Variants in RGS5 observed in about 807,000 individuals in gnomAD.
The protein encoded by RGS5 is regulator of G protein signaling 5, also known as regulator of G-protein signalling 5.
In RGS5, 20 loss-of-function variants were observed where a neutral mutation model predicts 18.9. The ratio of observed to expected loss-of-function variants is 1.06; its 90% confidence interval spans 0.74 to 1.54. The LOEUF is 1.54. Among genes scored for constraint, RGS5 ranks in the 40% most tolerant of loss-of-function variants. The probability of loss-of-function intolerance (pLI) is 0.00; values close to 1 mark genes in which losing one functional copy is unlikely to be tolerated. For missense variants in RGS5, 201 were observed against 211.8 expected, an observed-to-expected ratio of 0.95 and a Z score of 0.32; for synonymous variants, 57 against 76.2, an observed-to-expected ratio of 0.75 and a Z score of 1.31.
At chr1:163,264,173 C>A (rs1260271298) in intron 2 of RGS5, among the ~76,000 whole-genome samples, 1 of 151,782 alleles carries the variant, frequency 6.6e-6, no homozygotes, top group Non-Finnish European at 1.5e-5. Context: ...TTTAGAGTAC[C>A]CTCTGCTAAA....
At chr1:163,164,340 G>C (rs1440883167) in intron 2 of RGS5, among the ~76,000 whole-genome samples, 1 of 152,168 alleles carries the variant, frequency 6.6e-6, no homozygotes, top group Non-Finnish European at 1.5e-5. Flanking sequence ...GAGTGTGGGG[G>C]AGAGAGAGAA....
intron 2 of RGS5, among the ~76,000 whole-genome samples, chr1:163,260,960 C>T (rs1648417542): frequency 6.6e-6 from 1 of 152,190 alleles, no homozygotes; most frequent in Non-Finnish European, 1.5e-5. Context: ...ATGCATAAGA[C>T]ATTTGGTCTC....
intron 2 of RGS5, among the ~76,000 whole-genome samples, chr1:163,281,335 G>A (rs892386850): frequency 6.6e-6 from 1 of 152,140 alleles, no homozygotes; most frequent in African/African-American, 2.4e-5. Context: ...TTTGGCTCAT[G>A]GTTCTGCAGG....
At chr1:163,182,927 G>GGGGTAATATTTATATTTAAATAT (rs6143453) in intron 1 of RGS5, among the ~76,000 whole-genome samples, 68,165 of 151,794 alleles carry the variant, frequency 0.45, 16,143 homozygotes, top group East Asian at 0.72. Context: ...AAATATAAAT[G>GGGGTAATATTTATATTTAAATAT]AAAGGGGTAG....
intron 2 of RGS5, among the ~76,000 whole-genome samples, chr1:163,282,707 T>C (rs1016193083): frequency 2.0e-5 from 3 of 152,094 alleles, no homozygotes; most frequent in Non-Finnish European, 2.9e-5. Flanking sequence ...GTGACCCTCC[T>C]GTCTCTAAAT....
intron 3 of RGS5, among the ~76,000 whole-genome samples, chr1:163,160,053 C>T (rs1456303170): frequency 6.6e-6 from 1 of 152,128 alleles, no homozygotes; most frequent in Non-Finnish European, 1.5e-5. Context: ...ACACTAACTG[C>T]CTCTAGCTTA....
At chr1:163,292,980 T>C (rs1649329346) in intron 2 of RGS5, among the ~76,000 whole-genome samples, 1 of 152,176 alleles carries the variant, frequency 6.6e-6, no homozygotes. Context: ...CTGTTTACTC[T>C]GTTGATAGTT....
At chr1:163,316,706 C>T (rs1650035025) in intron 1 of RGS5, among the ~76,000 whole-genome samples, 1 of 152,132 alleles carries the variant, frequency 6.6e-6, no homozygotes, top group South Asian at 2.1e-4. Context: ...TAATAGAACA[C>T]TTTTTATGTC....
chr1:163,314,277 A>G lies in RGS5; in HGVS notation c.-378+7345T>C, dbSNP rs148517550. 3.1e-3 allele frequency among the ~76,000 whole-genome samples: 476 copies of G among 152,302 alleles called. 1 individual carries two copies. Among genetic ancestry groups the G allele is most frequent in the African/African-American group, 0.011 (451 of 41,560 alleles). ...GTGTTTACCAGGTTGAATTTGCTTAATAAAGAGTAAAGAAAAACTGGCAGC... is the reference window on the plus strand; with the variant it reads ...GTGTTTACCAGGTTGAATTTGCTTAGTAAAGAGTAAAGAAAAACTGGCAGC... On this transcript the variant is annotated intron_variant, in intron 1 of 5. Transcript: ENST00000618415.
intron 2 of RGS5, among the ~76,000 whole-genome samples, chr1:163,226,113 T>A (rs1647325834): frequency 6.6e-6 from 1 of 150,390 alleles, no homozygotes; most frequent in Admixed American, 6.6e-5. Flanking sequence ...AGAGATGGGG[T>A]TTCTCCATGT....
chr1:163,153,378 T>A (rs1025546244), intron 3 of RGS5, among the ~76,000 whole-genome samples: 1 of 152,062 alleles, frequency 6.6e-6, no homozygotes, highest in Non-Finnish European at 1.5e-5. Flanking sequence ...AGTAACAGAG[T>A]CATAGGAGAG....
chr1:163,240,501 C>T (rs146061387), intron 2 of RGS5, among the ~76,000 whole-genome samples: 10 of 150,920 alleles, frequency 6.6e-5, no homozygotes, highest in African/African-American at 1.9e-4. Flanking sequence ...AATGAAGGAA[C>T]TCTTAGGGAT....
chr1:163,219,434 G>A (rs2101676979), upstream of RGS5, among the ~76,000 whole-genome samples: 1 of 152,148 alleles, frequency 6.6e-6, no homozygotes, highest in South Asian at 2.1e-4. Flanking sequence ...CATTTTAATT[G>A]TTGTATAAGC....
chr1:163,298,166 A>T (rs1211252681), intron 2 of RGS5, among the ~76,000 whole-genome samples: 2 of 152,168 alleles, frequency 1.3e-5, no homozygotes, highest in Admixed American at 1.3e-4. Context: ...TAAATATGAA[A>T]TATGTATTTT....
At chr1:163,188,264 G>A (rs1486120940) in intron 1 of RGS5, among the ~76,000 whole-genome samples, 1 of 152,154 alleles carries the variant, frequency 6.6e-6, no homozygotes, top group African/African-American at 2.4e-5. Context: ...CACGGTCATT[G>A]TTATCTTTAA....
intron 2 of RGS5, among the ~76,000 whole-genome samples, chr1:163,163,797 C>T (rs1383868929): frequency 6.6e-6 from 1 of 152,130 alleles, no homozygotes; most frequent in Admixed American, 6.6e-5. Flanking sequence ...AAGAAAGTAG[C>T]TCAGAGCAAG....
chr1:163,235,704 G>A (rs1647604860), intron 2 of RGS5, among the ~76,000 whole-genome samples: 1 of 152,188 alleles, frequency 6.6e-6, no homozygotes, highest in Non-Finnish European at 1.5e-5. Flanking sequence ...TAGAAAGTTA[G>A]AAGCCAAGAA....
At chr1:163,204,287 G>C (rs1659885126), upstream of RGS5, among the ~76,000 whole-genome samples, 1 of 150,834 alleles carries the variant, frequency 6.6e-6, no homozygotes, top group Admixed American at 6.6e-5. Flanking sequence ...AATCAAAAAA[G>C]TTTGAAAGCT....
upstream of RGS5, among the ~76,000 whole-genome samples, chr1:163,206,171 T>A (rs1193442555): frequency 6.6e-6 from 1 of 152,150 alleles, no homozygotes; most frequent in African/African-American, 2.4e-5. Context: ...AAAGAGGCAA[T>A]GGATAAAACT....
Sources: gnomAD v4.1 joint callset for allele counts (sites outside exome capture counted in the v4.1 genomes callset) on GRCh38, gnomAD v4.1.1 for gene constraint, MANE v1.5 for transcripts, NCBI Gene and HGNC (gene_info 2026-07-23, HGNC 2026-07-21) for gene names.